The following TMEM38B variants were observed in gnomAD, a reference collection of about 807,000 sequenced individuals.
TMEM38B encodes the protein trimeric intracellular cation channel type B.
Under a neutral mutation model 28.7 loss-of-function variants are expected in TMEM38B, and 24 were observed. The ratio of observed to expected loss-of-function variants is 0.84; its 90% CI spans 0.61 to 1.18. The LOEUF is 1.18. TMEM38B is among the 50% of genes most tolerant of loss of function. TMEM38B has a pLI of 0.00. For synonymous variants in TMEM38B, 131 were observed against 127.7 expected, an observed-to-expected ratio of 1.03 and a Z score of -0.17; for missense variants, 380 against 350.9, an observed-to-expected ratio of 1.08 and a Z score of -0.66.
intron 5 of TMEM38B, among the ~76,000 whole-genome samples, chr9:105,771,404 T>TG (rs1184504817): frequency 1.3e-5 from 2 of 152,174 alleles, no homozygotes; most frequent in African/African-American, 4.8e-5. Context: ...AACTGAGTGA[T>TG]GAGTCTTTTG....
chr9:105,741,200 T>C (rs1211191195), intron 4 of TMEM38B, among the ~76,000 whole-genome samples: 1 of 152,216 alleles, frequency 6.6e-6, no homozygotes, highest in East Asian at 1.9e-4. Flanking sequence ...TGATTTTGAC[T>C]GATACTGATT....
At chr9:105,720,338 CTTTA>C (rs1259691209) in intron 2 of TMEM38B, among the ~76,000 whole-genome samples, 3 of 151,614 alleles carry the variant, frequency 2.0e-5, no homozygotes, top group Non-Finnish European at 2.9e-5. Context: ...GCATTATAGC[CTTTA>C]TTTTATATTA....
intron 5 of TMEM38B, chr9:105,760,795 A>T (rs1278736799): frequency 2.7e-5 from 23 of 861,618 alleles, no homozygotes; most frequent in Non-Finnish European, 3.9e-5. Context: ...AACTTTGATA[A>T]ATGAAGCCAT....
chr9:105,743,142 C>T (rs895431838), intron 4 of TMEM38B, among the ~76,000 whole-genome samples: 3 of 152,236 alleles, frequency 2.0e-5, no homozygotes, highest in East Asian at 1.9e-4. Flanking sequence ...TATTGTTAAG[C>T]GAGATCCAGA....
In TMEM38B at chr9:105,724,671, T is replaced by G. The variant is rs1043598003; in HGVS notation, c.542+2050T>G. Among the ~76,000 whole-genome samples the G allele has an allele frequency of 2.6e-5, 4 of 151,770 alleles. No homozygotes were observed. The East Asian group carries it at 7.8e-4, about 29-fold the overall frequency. On this transcript the variant is annotated intron_variant, in intron 4 of 5. Coordinates refer to ENST00000374692, the MANE Select transcript of TMEM38B (RefSeq NM_018112.3). ...TGGAAAGGCAGTACAAGTGATGAAG[T>G]ACATTTGTGTGAACTAACAAATTTC...
At chr9:105,759,259 C>A in intron 5 of TMEM38B, 2 of 721,648 alleles carry the variant, frequency 2.8e-6, no homozygotes, top group South Asian at 1.6e-5. Context: ...GTCATAGTTT[C>A]AGATAGATCC....
intron 2 of TMEM38B, among the ~76,000 whole-genome samples, chr9:105,713,763 T>G (rs1835994230): frequency 6.6e-6 from 1 of 152,122 alleles, no homozygotes; most frequent in Non-Finnish European, 1.5e-5. Context: ...TCATAGTGCC[T>G]TTTCCTGGGC....
chr9:105,758,759 T>A, intron 5 of TMEM38B: 1 of 753,436 alleles, frequency 1.3e-6, no homozygotes, highest in Non-Finnish European at 2.4e-6. Context: ...ACTTATCTCA[T>A]AGAACTCCTA....
At chr9:105,744,664 C>T (rs1240678430) in intron 4 of TMEM38B, among the ~76,000 whole-genome samples, 1 of 151,664 alleles carries the variant, frequency 6.6e-6, no homozygotes, top group Non-Finnish European at 1.5e-5. Flanking sequence ...TATACATGTG[C>T]CATGTTGGTG....
At chr9:105,756,404 CTG>C (rs1837832775) in intron 5 of TMEM38B, among the ~76,000 whole-genome samples, 1 of 152,050 alleles carries the variant, frequency 6.6e-6, no homozygotes, top group East Asian at 1.9e-4. Context: ...ATAATGTTGG[CTG>C]TGGGTTTTTC....
At chr9:105,758,955 A>G in intron 5 of TMEM38B, 1 of 1,351,036 alleles carries the variant, frequency 7.4e-7, no homozygotes, top group Non-Finnish European at 1.1e-6. Flanking sequence ...AGAAGAAGTC[A>G]TAAATCCAAA....
intron 4 of TMEM38B, among the ~76,000 whole-genome samples, chr9:105,746,803 G>T (rs1021588759): frequency 1.3e-5 from 2 of 152,152 alleles, no homozygotes; most frequent in African/African-American, 4.8e-5. Context: ...GTTGAATTTT[G>T]TCAAAGGCTT....
At position 105,774,292 on chromosome 9, in the gene TMEM38B, C is replaced by T. The variant is rs1013133419; in HGVS notation, c.*212C>T. 1.9e-5 allele frequency: 9 copies of T among 464,846 alleles called. No individual in the cohort carries two copies. Among genetic ancestry groups the T allele is most frequent in the Middle Eastern group, 5.7e-4 (1 of 1,764 alleles). The allele number at this position is 464,846 out of a possible 1,614,324, so 28.8% of individuals were successfully genotyped here. ...AGTGTATCATGTGATTATGCTTTACCGGTATAAGAGATTCTGTTGTGATTA... is the reference window on the plus strand; with the variant it reads ...AGTGTATCATGTGATTATGCTTTACTGGTATAAGAGATTCTGTTGTGATTA... On this transcript the variant is annotated 3_prime_UTR_variant, in exon 6 of 6. Coordinates refer to ENST00000374692, the MANE Select transcript of TMEM38B (RefSeq NM_018112.3).
intron 4 of TMEM38B, among the ~76,000 whole-genome samples, chr9:105,732,524 TG>T (rs2133593637): frequency 6.6e-6 from 1 of 152,346 alleles, no homozygotes; most frequent in African/African-American, 2.4e-5. Context: ...GTTTTCTACA[TG>T]TGGCTAGCCA....
chr9:105,710,871 G>T (rs1835876401), intron 2 of TMEM38B: 1 of 323,966 alleles, frequency 3.1e-6, no homozygotes, highest in African/African-American at 2.2e-5. Context: ...CACAGCCAGA[G>T]GGCTCCGCTA....
intron 4 of TMEM38B, among the ~76,000 whole-genome samples, chr9:105,742,688 A>G (rs923613406): frequency 1.3e-5 from 2 of 152,142 alleles, no homozygotes; most frequent in African/African-American, 4.8e-5. Flanking sequence ...CTTAGACTCA[A>G]CCCTTAAGAG....
chr9:105,724,151 A>T (rs1187943377), intron 4 of TMEM38B, among the ~76,000 whole-genome samples: 1 of 152,232 alleles, frequency 6.6e-6, no homozygotes, highest in Non-Finnish European at 1.5e-5. Flanking sequence ...TCAGTCTTAA[A>T]TAAGTCACAG....
At chr9:105,699,867 C>G (rs529642900) in intron 1 of TMEM38B, among the ~76,000 whole-genome samples, 170 of 152,120 alleles carry the variant, frequency 1.1e-3, no homozygotes, top group African/African-American at 3.9e-3. Context: ...TTTTCTCTGT[C>G]TCCTGGGCAT....
intron 4 of TMEM38B, among the ~76,000 whole-genome samples, chr9:105,738,129 G>T (rs1289557343): frequency 6.6e-6 from 1 of 152,156 alleles, no homozygotes; most frequent in Non-Finnish European, 1.5e-5. Flanking sequence ...GGCTACAGAA[G>T]ATGAGGGAGG....
Sources: allele counts gnomAD v4.1 joint callset (sites outside exome capture counted in the v4.1 genomes callset), GRCh38; gene constraint gnomAD v4.1.1; transcripts MANE v1.5; gene names NCBI Gene and HGNC (gene_info 2026-07-23, HGNC 2026-07-21).